POGZ: variants seen among roughly 807,000 people sequenced by gnomAD.
The protein encoded by POGZ is pogo transposable element derived with ZNF domain.
POGZ carries 17 observed loss-of-function variants against 134.6 expected under a neutral mutation model. The observed-to-expected ratio is 0.13, with a 90% confidence interval of 0.09 to 0.19. POGZ has a LOEUF of 0.19. Among genes scored for constraint, POGZ ranks in the 10% least tolerant of loss-of-function variants. POGZ has a pLI of 1.00. For missense variants in POGZ, 1,306 were observed against 1,769.7 expected (o/e 0.74, Z 4.70); for synonymous variants, 693 against 657.1 (o/e 1.05, Z -0.84).
At chr1:151,426,746 C>G (rs1557907167) in intron 7 of POGZ, 1 of 152,114 alleles carries the variant, frequency 6.6e-6, no homozygotes, top group Non-Finnish European at 1.5e-5. Context: ...TAATCACTGT[C>G]AAATCCAGTA....
At chr1:151,428,644 A>T (rs1658165145) in intron 5 of POGZ, among the ~76,000 whole-genome samples, 1 of 152,216 alleles carries the variant, frequency 6.6e-6, no homozygotes, top group Admixed American at 6.5e-5. Context: ...ACTCCTCCTA[A>T]AACACCTTAT....
At chr1:151,436,519 C>T (rs1169171550) in intron 3 of POGZ, among the ~76,000 whole-genome samples, 1 of 152,132 alleles carries the variant, frequency 6.6e-6, no homozygotes, top group Non-Finnish European at 1.5e-5. Context: ...TCTCAGCTCA[C>T]AGCAACCTCC....
Position 151,403,742 on chromosome 1 carries a change from CT to C in POGZ, c.*1059del. On this transcript the variant is annotated 3_prime_UTR_variant, in exon 19 of 19. Transcript: ENST00000271715. ...AGCACGCTGGATTTCAACAAGTGGT[CT>C]TGTCTTTTTAAAGTTCAACACTTCT... is the stretch of plus-strand genomic sequence containing the variant. 1.0e-6 allele frequency: 1 copy of C among 985,762 alleles called. No homozygotes were observed. Among genetic ancestry groups the C allele is most frequent in the Non-Finnish European group, 1.2e-6 (1 of 829,920 alleles). The allele number at this position is 985,762 out of a possible 1,614,324, so 61.1% of individuals were successfully genotyped here.
intron 10 of POGZ, among the ~76,000 whole-genome samples, chr1:151,420,430 C>T (rs929285156): frequency 1.3e-5 from 2 of 152,118 alleles, no homozygotes; most frequent in African/African-American, 4.8e-5. Flanking sequence ...AATCCTCCCA[C>T]CTCTACCTCC....
At chr1:151,425,086 A>G in intron 7 of POGZ, 25 bp from the exon 8 acceptor site, 2 of 1,181,030 alleles carry the variant, frequency 1.7e-6, no homozygotes, top group Non-Finnish European at 2.5e-6. Context: ...AAGAATTGAT[A>G]AGATTAATAC....
At chr1:151,433,088 A>G (rs146139283) in intron 3 of POGZ, among the ~76,000 whole-genome samples, 130 of 152,318 alleles carry the variant, frequency 8.5e-4, no homozygotes, top group Non-Finnish European at 1.5e-3. Flanking sequence ...CTAATTCTAA[A>G]AATTCTTAAG....
At chr1:151,459,013 G>GCCCCCC (rs550552322) in intron 1 of POGZ, 139 bp downstream of exon 1, 4 of 142,088 alleles carry the variant, frequency 2.8e-5, no homozygotes, top group South Asian at 4.4e-4. Flanking sequence ...CGCACCGCCG[G>GCCCCCC]CCCCCCGCCC....
chr1:151,457,167 A>G (rs1662872946), intron 1 of POGZ, among the ~76,000 whole-genome samples: 1 of 152,230 alleles, frequency 6.6e-6, no homozygotes, highest in African/African-American at 2.4e-5. Context: ...ATGGGAGTGG[A>G]AACTCTAACT....
At chr1:151,435,271 C>A (rs1251306187) in intron 3 of POGZ, among the ~76,000 whole-genome samples, 1 of 152,168 alleles carries the variant, frequency 6.6e-6, no homozygotes, top group African/African-American at 2.4e-5. Context: ...ACAATAGGAA[C>A]TGAAAACCAT....
At chr1:151,455,662 C>T (rs977727378) in intron 1 of POGZ, among the ~76,000 whole-genome samples, 4 of 152,200 alleles carry the variant, frequency 2.6e-5, no homozygotes, top group Admixed American at 2.6e-4. Flanking sequence ...TACTTTCCCT[C>T]CAAAAAGTGA....
At position 151,403,009 on chromosome 1, in the gene POGZ, T is replaced by A. The variant is rs1652998077; in HGVS notation, c.*1793A>T. ...GATAGACGTGACCAACCATAGTTCT[T>A]GAACTTTCTCAAAGGCAAAGGCTGA... is the stretch of plus-strand genomic sequence containing the variant. On this transcript the variant is annotated 3_prime_UTR_variant, in exon 19 of 19. Coordinates refer to ENST00000271715, the MANE Select transcript of POGZ (RefSeq NM_015100.4). The A allele has an allele frequency of 6.4e-6, 1 of 156,314 alleles. No individual in the cohort carries two copies. Among genetic ancestry groups the A allele is most frequent in the African/African-American group, 2.4e-5 (1 of 41,524 alleles). 9.7% of individuals were successfully genotyped at this position (156,314 alleles called of 1,614,324 possible).
chr1:151,420,715 G>GT (rs1320181952), intron 10 of POGZ, among the ~76,000 whole-genome samples: 5 of 152,134 alleles, frequency 3.3e-5, no homozygotes, highest in African/African-American at 1.2e-4. Flanking sequence ...TTAAAATGTG[G>GT]TAAGCTCAAA....
At chr1:151,450,023 ATTTTTTTTTTTTTTTT>A (rs1171783071) in intron 1 of POGZ, among the ~76,000 whole-genome samples, 7 of 74,306 alleles carry the variant, frequency 9.4e-5, no homozygotes, top group African/African-American at 3.6e-4. Context: ...GTGAAACTTG[ATTTTTTTTTTTTTTTT>A]TTTTTTTTTT....
Position 151,412,273 on chromosome 1 carries a change from C to A in POGZ, c.1779+23G>T. ...CTTCCTGAGGGCAAAACTGCTAAAA[C>A]TCCCTGGAGAAAAAGGCAATACCTG... On this transcript the variant is annotated intron_variant, in intron 11 of 18. Coordinates refer to ENST00000271715, the MANE Select transcript of POGZ (RefSeq NM_015100.4). 5.2e-6 allele frequency: 7 copies of A among 1,333,876 alleles called. No individual in the cohort carries two copies. The South Asian group carries it at 7.3e-5, about 14-fold the overall frequency. The allele number at this position is 1,333,876 out of a possible 1,614,324, so 82.6% of individuals were successfully genotyped here. A position where few individuals can be genotyped will look rare whatever the true frequency, so the allele number is the denominator to read the frequency against.
chr1:151,453,748 T>C (rs1662434358), intron 1 of POGZ, among the ~76,000 whole-genome samples: 1 of 152,170 alleles, frequency 6.6e-6, no homozygotes, highest in South Asian at 2.1e-4. Flanking sequence ...ACCAGATAAA[T>C]ACTCTCCTGG....
At position 151,405,314 on chromosome 1, in the gene POGZ, C is replaced by A. The variant is rs1653374182; in HGVS notation, c.3721G>T (p.Ala1241Ser). ...HRTHLSEEVLAMLSASSTLPA... is the reference protein window; with the variant it reads ...HRTHLSEEVLSMLSASSTLPA... ...AAAGTGCTAGAGGCACTAAGCATAG[C>A]CAGTACCTCTTCTGACAAGTGAGTG... is the stretch of plus-strand genomic sequence containing the variant. The change falls in exon 19 of 19, where the codon GCT becomes TCT. Residue 1241 changes from alanine to serine, a missense_variant. Physicochemically the swap from Ala to Ser is moderately conservative, Grantham distance 99. Around this residue, in one of 10 missense-constraint regions of POGZ, gnomAD observed 67 missense variants for 105.8 expected, o/e 0.63. Coordinates refer to ENST00000271715, the MANE Select transcript of POGZ (RefSeq NM_015100.4). This position sits in a 1 kb window ranked among gnomAD's most constrained non-coding sequence, Gnocchi z 4.9. 1 of 1,614,172 alleles carries A rather than the reference C, an allele frequency of 6.2e-7. No individual in the cohort carries two copies. The highest frequency in any genetic ancestry group is 8.5e-7 in the Non-Finnish European group (1 of 1,179,984).
chr1:151,404,882 G>T lies in POGZ; in HGVS notation c.4153C>A (p.His1385Asn). Residue 1385 changes from histidine (H) to asparagine (N), a missense_variant, in exon 19 of 19, where the codon CAC (histidine) becomes AAC (asparagine). Transcript: ENST00000271715. ...PEETIEPESL[H>N]QLFEGESETE... is the part of the protein sequence containing the mutation. ...TCACTTTCACCCTCAAAGAGCTGGTGAAGACTTTCAGGCTCAATTGTCTCT... is the reference window on the plus strand; with the variant it reads ...TCACTTTCACCCTCAAAGAGCTGGTTAAGACTTTCAGGCTCAATTGTCTCT... 6.2e-7 allele frequency: 1 copy of T among 1,614,140 alleles called. No homozygotes were observed. Among genetic ancestry groups the T allele is most frequent in the Non-Finnish European group, 8.5e-7 (1 of 1,180,042 alleles).
Position 151,403,407 on chromosome 1 carries a change from C to T in POGZ, c.*1395G>A, listed in dbSNP as rs1653041889. On this transcript the variant is annotated 3_prime_UTR_variant, in exon 19 of 19. Transcript: ENST00000271715. ...GTTCCACTTATGTACATTTTAAAGA[C>T]GAACCATTTACAAGCTTGTGCAGTT... is the stretch of plus-strand genomic sequence containing the variant. The T allele has an allele frequency of 6.1e-6, 6 of 985,114 alleles. No homozygotes were observed. Among genetic ancestry groups the T allele is most frequent in the Non-Finnish European group, 7.2e-6 (6 of 829,310 alleles). The allele number at this position is 985,114 out of a possible 1,614,324, so 61.0% of individuals were successfully genotyped here.
Position 151,404,716 on chromosome 1 carries a change from C to A in POGZ, c.*86G>T. ...TAAAAAATAGAAACCAAATACCCCA[C>A]CTGGTATGCCCCCTTTTCCCTAAGC... On this transcript the variant is annotated 3_prime_UTR_variant, in exon 19 of 19. Coordinates refer to ENST00000271715, the MANE Select transcript of POGZ (RefSeq NM_015100.4). The A allele has an allele frequency of 2.0e-6, 3 of 1,477,696 alleles. No homozygotes were observed. The highest frequency in any genetic ancestry group is 2.7e-6 in the Non-Finnish European group (3 of 1,115,522). The allele number at this position is 1,477,696 out of a possible 1,614,324, so 91.5% of individuals were successfully genotyped here.
Sources: gnomAD v4.1 joint callset for allele counts (sites outside exome capture counted in the v4.1 genomes callset) on GRCh38, gnomAD v4.1.1 for gene constraint, gnomAD v4.1.1 regional missense constraint, Gnocchi (gnomAD v3.1) non-coding constraint, MANE v1.5 for transcripts, NCBI Gene and HGNC (gene_info 2026-07-23, HGNC 2026-07-21) for gene names.